Variants in AJAP1 observed in about 807,000 individuals in gnomAD.
The protein encoded by AJAP1 is adherens junctions associated protein 1.
A neutral mutation model predicts 35.0 loss-of-function variants in AJAP1; 5 were observed. The observed-to-expected ratio is 0.14, with a 90% CI of 0.07 to 0.30. AJAP1 has a LOEUF of 0.30. AJAP1 is among the 10% of genes least tolerant of loss of function. The probability of loss-of-function intolerance (pLI) is 1.00; values close to 1 mark genes in which losing one functional copy is unlikely to be tolerated. For missense variants in AJAP1, 586 were observed against 571.0 expected (o/e 1.03, Z -0.27); for synonymous variants, 284 against 249.3 (o/e 1.14, Z -1.31).
At chr1:4,704,314 C>G (rs1283752514) in intron 1 of AJAP1, among the ~76,000 whole-genome samples, 4 of 127,902 alleles carry the variant, frequency 3.1e-5, no homozygotes, top group East Asian at 5.6e-4. Flanking sequence ...CCCCTCCCCC[C>G]ACCCCACAAC....
intron 1 of AJAP1, among the ~76,000 whole-genome samples, chr1:4,696,958 ATG>A (rs762898879): frequency 4.9e-4 from 74 of 151,198 alleles, no homozygotes; most frequent in Non-Finnish European, 8.4e-4. Context: ...TTCTGTGTGT[ATG>A]TGTGTCTCTG....
chr1:4,674,719 C>T (rs546411549), intron 1 of AJAP1, among the ~76,000 whole-genome samples: 1 of 152,282 alleles, frequency 6.6e-6, no homozygotes, highest in South Asian at 2.1e-4. Flanking sequence ...GCTCTCAGAG[C>T]TCTAGTTCTC....
chr1:4,700,358 T>A (rs1441500125), intron 1 of AJAP1, among the ~76,000 whole-genome samples: 1 of 152,068 alleles, frequency 6.6e-6, no homozygotes, highest in Non-Finnish European at 1.5e-5. Flanking sequence ...ATGCTGGGCC[T>A]CGCCCCCACA....
chr1:4,762,423 G>A (rs746317314), intron 2 of AJAP1, among the ~76,000 whole-genome samples: 5 of 152,248 alleles, frequency 3.3e-5, no homozygotes, highest in Admixed American at 6.5e-5. Flanking sequence ...TTGACCTTCA[G>A]AGGGGCTGGA....
Position 4,748,047 on chromosome 1 carries a change from C to A in AJAP1, c.830-21806C>A, listed in dbSNP as rs1204015787. 5.3e-5 allele frequency among the ~76,000 whole-genome samples: 8 copies of A among 151,962 alleles called. No individual in the cohort carries two copies. The South Asian group carries it at 1.7e-3, about 32-fold the overall frequency. On this transcript the variant is annotated intron_variant, in intron 2 of 5. Coordinates refer to ENST00000378191, the MANE Select transcript of AJAP1 (RefSeq NM_018836.4). ...CCTTTCCTTACTGTCCAACCCAAACCCCACCCACTGTGTCCCCGCACCCAG... is the reference window on the plus strand; with the variant it reads ...CCTTTCCTTACTGTCCAACCCAAACACCACCCACTGTGTCCCCGCACCCAG...
At chr1:4,714,105 G>A (rs1279973057) in intron 2 of AJAP1, among the ~76,000 whole-genome samples, 1 of 152,198 alleles carries the variant, frequency 6.6e-6, no homozygotes, top group Non-Finnish European at 1.5e-5. Flanking sequence ...AAGAGAACCT[G>A]CGGTTTTTTT....
At chr1:4,755,862 G>T (rs1314553528) in intron 2 of AJAP1, among the ~76,000 whole-genome samples, 4 of 152,074 alleles carry the variant, frequency 2.6e-5, no homozygotes, top group African/African-American at 9.7e-5. Flanking sequence ...TGGAGTAAGG[G>T]GGGTTCTGGC....
In AJAP1 at chr1:4,789,459, GTC is replaced by G. The variant is rs1642218439; in HGVS notation, c.*6978_*6979del. 6.6e-6 allele frequency: 1 copy of G among 152,180 alleles called. No homozygotes were observed. Among genetic ancestry groups the G allele is most frequent in the South Asian group, 2.1e-4 (1 of 4,830 alleles). The allele number at this position is 152,180 out of a possible 1,614,324, so 9.4% of individuals were successfully genotyped here. ...TCCTTTATACAAGTTAATTAGTTTT[GTC>G]TCTGGTGGCTGTCTCTTAAAACAGA... On this transcript the variant is annotated 3_prime_UTR_variant, in exon 6 of 6. Coordinates refer to ENST00000378191, the MANE Select transcript of AJAP1 (RefSeq NM_018836.4). This position sits in a 1 kb window ranked among gnomAD's most constrained non-coding sequence, Gnocchi z 4.4.
rs1477936070 is a variant in AJAP1, at chr1:4,774,558, G to A, written c.*59G>A. On this transcript the variant is annotated splice_region_variant and 3_prime_UTR_variant, in exon 5 of 6. Coordinates refer to ENST00000378191, the MANE Select transcript of AJAP1 (RefSeq NM_018836.4). The stretch of plus-strand genomic sequence containing the variant: ...GGCAGACGCCGTGTGTCTGTTTCAC[G>A]GTAGGTACCTCTCTTTGGACATTCC... 10 of 1,506,120 alleles carry A rather than the reference G, an allele frequency of 6.6e-6. No homozygotes were observed. The highest frequency in any genetic ancestry group is 1.1e-5 in the South Asian group (1 of 88,822). 93.3% of individuals were successfully genotyped at this position (1,506,120 alleles called of 1,614,324 possible). A position where few individuals can be genotyped will look rare whatever the true frequency, so the allele number is the denominator to read the frequency against.
chr1:4,761,700 T>C (rs575484950), intron 2 of AJAP1, among the ~76,000 whole-genome samples: 109 of 152,328 alleles, frequency 7.2e-4, no homozygotes, highest in African/African-American at 2.5e-3. Context: ...GTCTGCAAGC[T>C]GAGGAGCAAG....
At chr1:4,713,855 C>T (rs555381229) in intron 2 of AJAP1, among the ~76,000 whole-genome samples, 3 of 152,344 alleles carry the variant, frequency 2.0e-5, no homozygotes, top group East Asian at 1.9e-4. Flanking sequence ...CTTGTGGGCT[C>T]GGTAGGCCCC....
At chr1:4,724,137 G>A (rs1640591863) in intron 2 of AJAP1, among the ~76,000 whole-genome samples, 1 of 152,228 alleles carries the variant, frequency 6.6e-6, no homozygotes, top group South Asian at 2.1e-4. Context: ...CCAGGCTGGG[G>A]TGGACAAGGA....
intron 2 of AJAP1, among the ~76,000 whole-genome samples, chr1:4,714,878 A>T (rs1323916677): frequency 6.6e-6 from 1 of 152,222 alleles, no homozygotes; most frequent in African/African-American, 2.4e-5. Flanking sequence ...GGTTCCTCAT[A>T]GCCCAGTGGG....
intron 1 of AJAP1, among the ~76,000 whole-genome samples, chr1:4,671,731 G>T (rs1395343334): frequency 6.6e-6 from 1 of 152,186 alleles, no homozygotes; most frequent in Non-Finnish European, 1.5e-5. Context: ...AATCTGAAAG[G>T]TATAGGCCCA....
intron 5 of AJAP1, among the ~76,000 whole-genome samples, chr1:4,778,287 T>C (rs1190467094): frequency 2.6e-5 from 4 of 152,172 alleles, no homozygotes; most frequent in African/African-American, 9.7e-5. Flanking sequence ...TTTCCAGCCA[T>C]GGGGTCCAGG....
intron 1 of AJAP1, among the ~76,000 whole-genome samples, chr1:4,688,500 C>T (rs1244493186): frequency 6.6e-6 from 1 of 152,098 alleles, no homozygotes; most frequent in African/African-American, 2.4e-5. Flanking sequence ...GGGCCAGGTG[C>T]GGTGGCTCAC....
At chr1:4,689,274 C>T (rs932561152) in intron 1 of AJAP1, among the ~76,000 whole-genome samples, 3 of 152,184 alleles carry the variant, frequency 2.0e-5, no homozygotes, top group South Asian at 2.1e-4. Context: ...CTGATTAAGG[C>T]GGTTAAATTG....
intron 2 of AJAP1, among the ~76,000 whole-genome samples, chr1:4,740,246 C>T (rs1051802154): frequency 1.4e-5 from 2 of 145,226 alleles, no homozygotes; most frequent in African/African-American, 2.6e-5. Context: ...TTCTGCTAAG[C>T]GAAATAAACC....
rs563063704 is a variant in AJAP1 at position 4,747,942 on chromosome 1, A to C, written c.830-21911A>C. Among the ~76,000 whole-genome samples, 7 of 151,728 alleles carry C rather than the reference A, an allele frequency of 4.6e-5. No homozygotes were observed. In the South Asian group the frequency reaches 1.5e-3, roughly 32 times the overall value. ...TGGAGGCCAAGGTTTCAGTGAGCCA[A>C]GATCATGCCACTGCACACCAGCCTG... On this transcript the variant is annotated intron_variant, in intron 2 of 5. Transcript: ENST00000378191.
Sources: gnomAD v4.1 joint callset for allele counts (sites outside exome capture counted in the v4.1 genomes callset) on GRCh38, gnomAD v4.1.1 for gene constraint, Gnocchi (gnomAD v3.1) non-coding constraint, MANE v1.5 for transcripts, NCBI Gene and HGNC (gene_info 2026-07-23, HGNC 2026-07-21) for gene names.